The following ZNF804A variants were observed in gnomAD, a reference collection of about 807,000 sequenced individuals.
ZNF804A encodes zinc finger protein 804A.
A neutral mutation model predicts 16.5 loss-of-function variants in ZNF804A; 2 were observed. The observed-to-expected ratio is 0.12, with a 90% CI of 0.05 to 0.38. ZNF804A has a LOEUF of 0.38. Among genes scored for constraint, ZNF804A ranks in the 10% least tolerant of loss-of-function variants. The pLI is 0.99. For synonymous variants in ZNF804A, 534 were observed against 489.6 expected, an observed-to-expected ratio of 1.09 and a Z score of -1.20; for missense variants, 1,473 against 1,390.7, an observed-to-expected ratio of 1.06 and a Z score of -0.94.
chr2:184,734,399 T>G (rs1693576770), intron 1 of ZNF804A, among the ~76,000 whole-genome samples: 2 of 152,226 alleles, frequency 1.3e-5, no homozygotes, highest in Admixed American at 6.5e-5. Flanking sequence ...TTAAAAAAAT[T>G]CTCATGAAAT....
chr2:184,692,527 T>G (rs1013688186), intron 1 of ZNF804A, among the ~76,000 whole-genome samples: 6 of 152,200 alleles, frequency 3.9e-5, no homozygotes, highest in African/African-American at 1.4e-4. Context: ...GGTTTATAGT[T>G]TCTGACATTT....
chr2:184,861,970 A>G (rs1695806710), intron 1 of ZNF804A, among the ~76,000 whole-genome samples: 3 of 152,168 alleles, frequency 2.0e-5, no homozygotes, highest in African/African-American at 7.2e-5. Context: ...TTTTACATAT[A>G]TGTAAAAAGT....
At chr2:184,909,833 T>C (rs1293207773) in intron 2 of ZNF804A, among the ~76,000 whole-genome samples, 1 of 152,058 alleles carries the variant, frequency 6.6e-6, no homozygotes, top group African/African-American at 2.4e-5. Flanking sequence ...ATATGTGCTA[T>C]GCCAAGAGTT....
chr2:184,936,242 G>A lies in ZNF804A; in HGVS notation c.846G>A (p.Glu282=), dbSNP rs1559008372. Residue 282 remains glutamate, a synonymous_variant, in exon 4 of 4, where the codon GAG becomes GAA. Coordinates refer to ENST00000302277, the MANE Select transcript of ZNF804A (RefSeq NM_194250.2). The part of the protein sequence containing the change: ...EEKTNSFHPP[E]AMCRDKETVQ... ...AAACTAACTCTTTTCATCCACCAGA[G>A]GCAATGTGCAGAGACAAAGAAACTG... 3 of 1,613,684 alleles carry A rather than the reference G, an allele frequency of 1.9e-6. No individual in the cohort carries two copies. The highest frequency in any genetic ancestry group is 2.2e-5 in the East Asian group (1 of 44,840).
chr2:184,652,603 CT>C (rs1559118088), intron 1 of ZNF804A, among the ~76,000 whole-genome samples: 1 of 152,000 alleles, frequency 6.6e-6, no homozygotes, highest in African/African-American at 2.4e-5. Flanking sequence ...AGAAAGAGAG[CT>C]CTTTGTTTTT....
intron 1 of ZNF804A, among the ~76,000 whole-genome samples, chr2:184,714,730 A>G (rs527279543): frequency 5.9e-4 from 90 of 152,300 alleles, no homozygotes; most frequent in Non-Finnish European, 1.0e-3. Flanking sequence ...TTTCCTCTCT[A>G]GATCACAAAG....
intron 1 of ZNF804A, among the ~76,000 whole-genome samples, chr2:184,750,733 T>C (rs1376762116): frequency 2.0e-5 from 3 of 151,446 alleles, no homozygotes; most frequent in Non-Finnish European, 4.4e-5. Flanking sequence ...CAATACACTA[T>C]TGTTAACTAT....
chr2:184,669,777 C>CACAT (rs1692314637), intron 1 of ZNF804A, among the ~76,000 whole-genome samples: 1 of 152,062 alleles, frequency 6.6e-6, no homozygotes, highest in Non-Finnish European at 1.5e-5. Flanking sequence ...CACACACACA[C>CACAT]ACACTCAGAA....
At position 184,937,654 on chromosome 2, in the gene ZNF804A, C is replaced by T; in HGVS notation, c.2258C>T (p.Ala753Val). ...NDMKHMSQNQ[A>V]VKRGYNSVMN... ...ATGAAACACATGAGTCAGAATCAGG[C>T]TGTTAAAAGAGGTTACAATTCTGTC... is the stretch of plus-strand genomic sequence containing the variant. Residue 753 changes from alanine (A) to valine (V), a missense_variant, in exon 4 of 4, where the codon GCT (alanine) becomes GTT (valine). Ala to Val is a moderately conservative substitution (Grantham distance 64). Coordinates refer to ENST00000302277, the MANE Select transcript of ZNF804A (RefSeq NM_194250.2). 6.2e-7 allele frequency: 1 copy of T among 1,613,966 alleles called. No individual in the cohort carries two copies.
At chr2:184,861,116 G>A (rs950933758) in intron 1 of ZNF804A, among the ~76,000 whole-genome samples, 15 of 152,292 alleles carry the variant, frequency 9.8e-5, no homozygotes, top group Admixed American at 2.0e-4. Flanking sequence ...TGGAATCTGC[G>A]GCTCTGGGGC....
chr2:184,931,224 C>A (rs1040306194), intron 2 of ZNF804A, among the ~76,000 whole-genome samples: 7 of 152,196 alleles, frequency 4.6e-5, no homozygotes, highest in Non-Finnish European at 2.9e-5. Context: ...CAGTGGCCAT[C>A]TTCTCACAGC....
At chr2:184,889,549 TAAC>T (rs1419070645) in intron 2 of ZNF804A, among the ~76,000 whole-genome samples, 3 of 151,914 alleles carry the variant, frequency 2.0e-5, no homozygotes, top group Non-Finnish European at 4.4e-5. Flanking sequence ...TAAAAAATAA[TAAC>T]ATTTGAAATA....
chr2:184,714,428 A>T (rs992474000), intron 1 of ZNF804A, among the ~76,000 whole-genome samples: 3 of 152,082 alleles, frequency 2.0e-5, no homozygotes, highest in African/African-American at 7.2e-5. Context: ...GAATTGTTAT[A>T]TTCTGTTTCA....
chr2:184,621,347 A>T (rs1461026869), intron 1 of ZNF804A, among the ~76,000 whole-genome samples: 1 of 151,724 alleles, frequency 6.6e-6, no homozygotes, highest in African/African-American at 2.4e-5. Flanking sequence ...CATTACCAGC[A>T]CTTGTATTAA....
At chr2:184,830,575 G>A (rs1289676347) in intron 1 of ZNF804A, among the ~76,000 whole-genome samples, 2 of 152,074 alleles carry the variant, frequency 1.3e-5, no homozygotes, top group African/African-American at 2.4e-5. Flanking sequence ...GTAAAGCAAT[G>A]ATGCTGTGAA....
intron 1 of ZNF804A, among the ~76,000 whole-genome samples, chr2:184,727,175 T>G (rs1693427123): frequency 6.6e-6 from 1 of 151,602 alleles, no homozygotes; most frequent in African/African-American, 2.4e-5. Context: ...TCTGTTTGTC[T>G]GAATAGAATT....
intron 1 of ZNF804A, among the ~76,000 whole-genome samples, chr2:184,834,409 C>T (rs1574233788): frequency 6.6e-6 from 1 of 152,022 alleles, no homozygotes; most frequent in East Asian, 1.9e-4. Flanking sequence ...TCCAAGATGC[C>T]ATGAGCCTTG....
rs1695769058 is a variant in ZNF804A at position 184,859,877 on chromosome 2, C to A, written c.112-6492C>A. 2.0e-5 allele frequency among the ~76,000 whole-genome samples: 3 copies of A among 152,232 alleles called. 1 individual carries two copies. The South Asian group carries it at 6.2e-4, about 31-fold the overall frequency. ...AGGTAGGTGGGCCTAGTACCTATGGCTTTCCTAAGCCTGTGTCCACAGGGG... is the reference window on the plus strand; with the variant it reads ...AGGTAGGTGGGCCTAGTACCTATGGATTTCCTAAGCCTGTGTCCACAGGGG... On this transcript the variant is annotated intron_variant, in intron 1 of 3. Transcript: ENST00000302277.
In ZNF804A at chr2:184,937,912, A is replaced by T; in HGVS notation, c.2516A>T (p.Asn839Ile). Residue 839 changes from asparagine (N) to isoleucine (I), a missense_variant, in exon 4 of 4, where the codon AAT becomes ATT. Asn to Ile is a moderately radical substitution (Grantham distance 149). Coordinates refer to ENST00000302277, the MANE Select transcript of ZNF804A (RefSeq NM_194250.2). ...AATACAGATTATCCCGTGAAAGACAATTCTTCCTTAAATCCTCTGGATAGG... is the reference window on the plus strand; with the variant it reads ...AATACAGATTATCCCGTGAAAGACATTTCTTCCTTAAATCCTCTGGATAGG... Reference protein sequence around the residue: ...KENTDYPVKDNSSLNPLDRLI... With the variant: ...KENTDYPVKDISSLNPLDRLI... 1 of 1,614,142 alleles carries T rather than the reference A, an allele frequency of 6.2e-7. No homozygotes were observed. The highest frequency in any genetic ancestry group is 8.5e-7 in the Non-Finnish European group (1 of 1,180,024).
Sources: gnomAD v4.1 joint callset for allele counts (sites outside exome capture counted in the v4.1 genomes callset) on GRCh38, gnomAD v4.1.1 for gene constraint, MANE v1.5 for transcripts, NCBI Gene and HGNC (gene_info 2026-07-23, HGNC 2026-07-21) for gene names.